SPMIP2: variants seen among roughly 807,000 people sequenced by gnomAD.
SPMIP2 encodes the protein protein SPMIP2.
At chr4:159,061,095 AT>A in the SPMIP2 span, among the ~76,000 whole-genome samples, 7,716 of 125,172 alleles carry the variant, frequency 0.062, 622 homozygotes, top group African/African-American at 0.2. Context: ...AAAAAAAAAA[AT>A]ATATATATAT....
chr4:158,975,021 T>G, the SPMIP2 span, among the ~76,000 whole-genome samples: 1 of 152,242 alleles, frequency 6.6e-6, no homozygotes, highest in Admixed American at 6.5e-5. Context: ...ATATGGTATC[T>G]TACTGTGGTT....
At chr4:159,026,358 CA>C in the SPMIP2 span, 4 of 708,534 alleles carry the variant, frequency 5.6e-6, no homozygotes, top group South Asian at 2.8e-5. Flanking sequence ...CAGCTCATAG[CA>C]AAAAAACTCA....
At chr4:158,973,481 TTAA>T in the SPMIP2 span, among the ~76,000 whole-genome samples, 5 of 152,170 alleles carry the variant, frequency 3.3e-5, no homozygotes, top group Admixed American at 6.5e-5. Flanking sequence ...TTATTTATAA[TTAA>T]TAATTCTTAT....
chr4:158,944,209 C>T, the SPMIP2 span, among the ~76,000 whole-genome samples: 9 of 151,780 alleles, frequency 5.9e-5, no homozygotes, highest in East Asian at 1.7e-3. Context: ...TGGTTTATTC[C>T]ACTTCACCTC....
the SPMIP2 span, among the ~76,000 whole-genome samples, chr4:159,019,365 C>T: frequency 6.7e-6 from 1 of 149,156 alleles, no homozygotes; most frequent in Non-Finnish European, 1.5e-5. Context: ...CTCATAATTG[C>T]ACAAGATTTC....
chr4:158,964,308 G>A, the SPMIP2 span, among the ~76,000 whole-genome samples: 6 of 152,226 alleles, frequency 3.9e-5, no homozygotes, highest in Non-Finnish European at 7.4e-5. Context: ...CAACCATGAG[G>A]AACTGAAATC....
At chr4:158,951,972 A>G in the SPMIP2 span, among the ~76,000 whole-genome samples, 5 of 152,208 alleles carry the variant, frequency 3.3e-5, no homozygotes, top group South Asian at 8.3e-4. Context: ...TGGCTTGTAA[A>G]ATGACAGGGA....
At chr4:158,975,564 C>T in the SPMIP2 span, among the ~76,000 whole-genome samples, 8 of 152,166 alleles carry the variant, frequency 5.3e-5, no homozygotes, top group East Asian at 1.5e-3. Flanking sequence ...GAATCCTTTC[C>T]CCATTGCTTG....
At chr4:159,027,408 A>G in the SPMIP2 span, among the ~76,000 whole-genome samples, 1 of 152,198 alleles carries the variant, frequency 6.6e-6, no homozygotes. Context: ...TATTGTCTAC[A>G]ATATATCTTA....
At chr4:158,936,652 A>AT in the SPMIP2 span, among the ~76,000 whole-genome samples, 10 of 152,132 alleles carry the variant, frequency 6.6e-5, no homozygotes, top group Admixed American at 6.5e-4. Flanking sequence ...TTTCCCTGTT[A>AT]TTTTCCCTTT....
At chr4:158,984,233 A>AT in the SPMIP2 span, among the ~76,000 whole-genome samples, 2 of 6,388 alleles carry the variant, frequency 3.1e-4, no homozygotes, top group Non-Finnish European at 1.0e-3. Flanking sequence ...TTAGACAGAA[A>AT]GTTAACAAGG....
At chr4:158,902,263 G>T in the SPMIP2 span, among the ~76,000 whole-genome samples, 2 of 152,152 alleles carry the variant, frequency 1.3e-5, no homozygotes, top group African/African-American at 4.8e-5. Context: ...GTCTGCTGTG[G>T]TTTGTTGGAG....
chr4:158,915,316 G>A, the SPMIP2 span: 16 of 1,613,142 alleles, frequency 9.9e-6, no homozygotes, highest in Admixed American at 1.7e-5. Flanking sequence ...AAAGAAGCGC[G>A]ACTCTGTTTT....
At chr4:158,951,789 T>G in the SPMIP2 span, among the ~76,000 whole-genome samples, 1 of 152,220 alleles carries the variant, frequency 6.6e-6, no homozygotes, top group Non-Finnish European at 1.5e-5. Flanking sequence ...ATGCTTTCCC[T>G]AACTAGGTGA....
chr4:159,071,960 T>C, the SPMIP2 span, among the ~76,000 whole-genome samples: 2 of 152,234 alleles, frequency 1.3e-5, no homozygotes, highest in African/African-American at 4.8e-5. Context: ...ATTGTTTCCA[T>C]AGGAATTTTT....
At chr4:159,014,256 C>T in the SPMIP2 span, among the ~76,000 whole-genome samples, 1 of 152,090 alleles carries the variant, frequency 6.6e-6, no homozygotes, top group African/African-American at 2.4e-5. Flanking sequence ...AAATGGAGAC[C>T]AGCCTGGCCA....
At chr4:158,988,149 G>T in the SPMIP2 span, among the ~76,000 whole-genome samples, 1 of 152,120 alleles carries the variant, frequency 6.6e-6, no homozygotes, top group Admixed American at 6.6e-5. Flanking sequence ...TAGAAGAAAT[G>T]GATAAATTCC....
At chr4:158,900,145 T>C in the SPMIP2 span, among the ~76,000 whole-genome samples, 1 of 152,200 alleles carries the variant, frequency 6.6e-6, no homozygotes, top group South Asian at 2.1e-4. Context: ...TTCCATGTAG[T>C]TGTGTGGTTT....
At chr4:159,007,174 ATC>A in the SPMIP2 span, 2 of 1,004,046 alleles carry the variant, frequency 2.0e-6, no homozygotes, top group Non-Finnish European at 3.1e-6. Context: ...ACAGGTGGAG[ATC>A]TTCAGGCAGA....
Sources: allele counts gnomAD v4.1 joint callset (sites outside exome capture counted in the v4.1 genomes callset), GRCh38; gene constraint gnomAD v4.1.1; transcripts MANE v1.5; gene names NCBI Gene and HGNC (gene_info 2026-07-23, HGNC 2026-07-21).